Variants in RABGEF1 observed in about 807,000 individuals in gnomAD.
The protein encoded by RABGEF1 is rab5 GDP/GTP exchange factor.
A neutral mutation model predicts 57.3 loss-of-function variants in RABGEF1; 26 were observed. That is an observed-to-expected ratio of 0.45 (90% CI 0.33 to 0.63). RABGEF1 has a LOEUF of 0.63. RABGEF1 is among the 20% of genes least tolerant of loss of function. RABGEF1 has a pLI of 0.02. For synonymous variants in RABGEF1, 185 were observed against 210.7 expected (o/e 0.88, Z 1.06); for missense variants, 464 against 607.6 (o/e 0.76, Z 2.48).
At chr7:66,808,767 GTTTGT>G (rs1252442591) in intron 8 of RABGEF1, 114 bp from the exon 9 acceptor site, 8 of 1,103,104 alleles carry the variant, frequency 7.3e-6, no homozygotes, top group Non-Finnish European at 1.0e-5. Context: ...AAGTTCATGA[GTTTGT>G]TTTGTTTACT....
chr7:66,657,733 A>C, the RABGEF1 span, among the ~76,000 whole-genome samples: 5 of 152,334 alleles, frequency 3.3e-5, no homozygotes, highest in Non-Finnish European at 7.3e-5. Context: ...GGGCAGGAGA[A>C]TCGCTTGAAC....
chr7:66,762,061 A>C (rs892158304), intron 1 of RABGEF1, among the ~76,000 whole-genome samples: 2 of 151,602 alleles, frequency 1.3e-5, no homozygotes, highest in East Asian at 3.9e-4. Context: ...CTCAAAAAAA[A>C]ACAAAAAAAC....
intron 3 of RABGEF1, among the ~76,000 whole-genome samples, chr7:66,775,729 G>A (rs894928669): frequency 4.6e-5 from 7 of 152,110 alleles, no homozygotes; most frequent in Non-Finnish European, 8.8e-5. Flanking sequence ...TTGTTCTGTG[G>A]TATAATACCC....
At chr7:66,745,857 G>A (rs1297073561) in intron 1 of RABGEF1, among the ~76,000 whole-genome samples, 2 of 152,060 alleles carry the variant, frequency 1.3e-5, no homozygotes, top group Non-Finnish European at 2.9e-5. Flanking sequence ...TGCTTTGGGA[G>A]GCCAAAGTGG....
chr7:66,795,239 C>T (rs932112852), intron 4 of RABGEF1, among the ~76,000 whole-genome samples: 17 of 152,284 alleles, frequency 1.1e-4, no homozygotes, highest in Non-Finnish European at 2.2e-4. Context: ...GTCTTACCCA[C>T]CATTCAAACC....
chr7:66,788,814 G>C (rs1050585952), intron 4 of RABGEF1, among the ~76,000 whole-genome samples: 2 of 152,072 alleles, frequency 1.3e-5, no homozygotes, highest in African/African-American at 4.8e-5. Context: ...AATTAGCTGG[G>C]CGTGGTGGCG....
the RABGEF1 span, among the ~76,000 whole-genome samples, chr7:66,663,101 GC>G: frequency 2.0e-5 from 3 of 152,252 alleles, no homozygotes; most frequent in South Asian, 6.2e-4. Context: ...AATAACATGA[GC>G]GCTCTGTGTC....
chr7:66,803,334 T>C (rs934787702), intron 7 of RABGEF1, among the ~76,000 whole-genome samples: 1 of 152,218 alleles, frequency 6.6e-6, no homozygotes, highest in Non-Finnish European at 1.5e-5. Flanking sequence ...GAAAGAACCC[T>C]TTGGTATACC....
intron 1 of RABGEF1, among the ~76,000 whole-genome samples, chr7:66,762,541 A>G (rs1804690842): frequency 6.6e-6 from 1 of 152,048 alleles, no homozygotes; most frequent in African/African-American, 2.4e-5. Flanking sequence ...GTGAGCCATG[A>G]TCACACCACT....
At chr7:66,744,662 C>T (rs555554164) in intron 1 of RABGEF1, among the ~76,000 whole-genome samples, 11 of 134,422 alleles carry the variant, frequency 8.2e-5, no homozygotes, top group South Asian at 2.5e-4. Flanking sequence ...AGCCAGACTC[C>T]GTCTCAAAAA....
chr7:66,660,017 A>T, the RABGEF1 span, among the ~76,000 whole-genome samples: 1 of 152,074 alleles, frequency 6.6e-6, no homozygotes, highest in Non-Finnish European at 1.5e-5. Context: ...TAAGAAAAAA[A>T]AAAAGAAGAC....
intron 8 of RABGEF1, among the ~76,000 whole-genome samples, chr7:66,806,968 C>A (rs1788577102): frequency 6.6e-6 from 1 of 152,232 alleles, no homozygotes; most frequent in Admixed American, 6.6e-5. Flanking sequence ...ATAAATGAAA[C>A]ATACACTTGC....
chr7:66,764,377 A>G (rs1434874149), intron 1 of RABGEF1, among the ~76,000 whole-genome samples: 1 of 145,128 alleles, frequency 6.9e-6, no homozygotes, highest in Non-Finnish European at 1.6e-5. Flanking sequence ...CTTATTACAT[A>G]AATGACTTGC....
At chr7:66,720,005 A>G (rs1250180131) in intron 2 of RABGEF1, among the ~76,000 whole-genome samples, 1 of 152,126 alleles carries the variant, frequency 6.6e-6, no homozygotes, top group East Asian at 1.9e-4. Context: ...GAGATAAAAT[A>G]TCAAGATCAA....
chr7:66,682,119 G>T, upstream of RABGEF1: 1 of 167,814 alleles, frequency 6.0e-6, no homozygotes, highest in Non-Finnish European at 1.5e-5. Context: ...CCGGGGGGGC[G>T]GGGCAAGCAG....
At chr7:66,671,894 A>G in the RABGEF1 span, among the ~76,000 whole-genome samples, 2 of 148,668 alleles carry the variant, frequency 1.3e-5, no homozygotes, top group Non-Finnish European at 3.0e-5. Context: ...ACAACTCACT[A>G]CAGCCTTGAC....
intron 1 of RABGEF1, among the ~76,000 whole-genome samples, chr7:66,747,814 T>C (rs1402863916): frequency 4.6e-5 from 7 of 152,214 alleles, no homozygotes; most frequent in Admixed American, 4.6e-4. Flanking sequence ...TTTTTTTCAG[T>C]GGAACATATC....
chr7:66,723,570 TTTTTTGTTTTTG>T (rs765983496), intron 2 of RABGEF1, among the ~76,000 whole-genome samples: 1 of 152,184 alleles, frequency 6.6e-6, no homozygotes, highest in Non-Finnish European at 1.5e-5. Context: ...AATTACTGTT[TTTTTTGTTTTTG>T]TTTTTGTTTT....
At chr7:66,698,042 T>C (rs1255530881) in intron 1 of RABGEF1, among the ~76,000 whole-genome samples, 11 of 151,762 alleles carry the variant, frequency 7.2e-5, no homozygotes, top group Admixed American at 1.3e-4. Context: ...GTCAGCAGCC[T>C]CCAGCCACTC....
Sources: allele counts gnomAD v4.1 joint callset (sites outside exome capture counted in the v4.1 genomes callset), GRCh38; gene constraint gnomAD v4.1.1; transcripts MANE v1.5; gene names NCBI Gene and HGNC (gene_info 2026-07-23, HGNC 2026-07-21).